SORBS3: variants seen among roughly 807,000 people sequenced by gnomAD.
SORBS3 encodes sorbin and SH3 domain containing 3, also known as vinexin.
Under a neutral mutation model 98.0 loss-of-function variants are expected in SORBS3, and 69 were observed. The ratio of observed to expected loss-of-function variants is 0.70; its 90% confidence interval spans 0.58 to 0.86. The LOEUF is 0.86. Among genes scored for constraint, SORBS3 ranks in the 40% least tolerant of loss-of-function variants. The pLI, the probability that SORBS3 is intolerant of heterozygous loss-of-function variation, is 0.00. For missense variants in SORBS3, 954 were observed against 908.5 expected, an observed-to-expected ratio of 1.05 and a Z score of -0.64; for synonymous variants, 394 against 355.4, an observed-to-expected ratio of 1.11 and a Z score of -1.22.
At position 22,570,169 on chromosome 8, in the gene SORBS3, G is replaced by A. The variant is rs113788595; in HGVS notation, c.1432-741G>A. Among the ~76,000 whole-genome samples, 1,501 of 152,278 alleles carry A rather than the reference G, an allele frequency of 9.9e-3. 23 individuals are homozygous for A. The highest frequency in any genetic ancestry group is 0.035 in the African/African-American group (1,442 of 41,526). ...CATGCTCCCAAAATAAGCGAAAGAC[G>A]GCCCATAGTGAATGCCTCCCAGAAG... is the stretch of plus-strand genomic sequence containing the variant. On this transcript the variant is annotated intron_variant, in intron 17 of 20. Coordinates refer to ENST00000240123, the MANE Select transcript of SORBS3 (RefSeq NM_005775.5).
At chr8:22,566,746 G>A (rs2117271714) in intron 14 of SORBS3, 33 bp downstream of exon 14, 3 of 1,612,568 alleles carry the variant, frequency 1.9e-6, no homozygotes, top group East Asian at 4.5e-5. Flanking sequence ...GGGACCTGGA[G>A]TGGTCCCAAG....
intron 1 of SORBS3, among the ~76,000 whole-genome samples, chr8:22,545,733 C>G (rs1364107049): frequency 6.6e-6 from 1 of 152,236 alleles, no homozygotes; most frequent in Non-Finnish European, 1.5e-5. Context: ...CCAGTAAGTT[C>G]TTGCCCACAT....
At chr8:22,550,409 C>T (rs1840062890), upstream of SORBS3, among the ~76,000 whole-genome samples, 1 of 152,182 alleles carries the variant, frequency 6.6e-6, no homozygotes, top group Non-Finnish European at 1.5e-5. Context: ...CCTGGGAAGC[C>T]TTGGACCTGC....
At chr8:22,564,175 A>G in intron 8 of SORBS3, 98 bp downstream of exon 8, 4 of 1,489,286 alleles carry the variant, frequency 2.7e-6, no homozygotes, top group Non-Finnish European at 3.7e-6. Flanking sequence ...CCCTTGGAGG[A>G]CACCGTGGGC....
chr8:22,548,301 C>T (rs1329670202), upstream of SORBS3, among the ~76,000 whole-genome samples: 3 of 152,176 alleles, frequency 2.0e-5, no homozygotes, highest in African/African-American at 7.2e-5. Flanking sequence ...TGGCTGGCAA[C>T]ATTTGCAGGA....
Position 22,564,488 on chromosome 8 carries a change from C to G in SORBS3, c.783C>G (p.Asp261Glu), listed in dbSNP as rs745685537. 30 of 1,613,970 alleles carry G rather than the reference C, an allele frequency of 1.9e-5. No individual in the cohort carries two copies. The highest frequency in any genetic ancestry group is 3.3e-5 in the Admixed American group (2 of 59,994). Residue 261 changes from aspartate to glutamate, a missense_variant, in exon 10 of 21, where the codon GAC (aspartate) becomes GAG (glutamate). Physicochemically the swap from Asp to Glu is conservative, Grantham distance 45. Transcript: ENST00000240123. ...TGQRPKKPLV[D>E]DPGEKPSQPI... is the part of the protein sequence containing the mutation. ...TTCAGCCCAAGAAACCGCTGGTGGA[C>G]GACCCTGGTGAGAAGCCCTCCCAGC...
At chr8:22,566,546 C>A (rs576542509) in intron 13 of SORBS3, 62 bp downstream of exon 13, 52 of 1,592,022 alleles carry the variant, frequency 3.3e-5, no homozygotes, top group Non-Finnish European at 4.2e-5. Flanking sequence ...ATGTTGGTGC[C>A]CCAGGGGTGG....
chr8:22,566,395 C>T lies in SORBS3; in HGVS notation c.1001C>T (p.Ser334Phe), dbSNP rs200965714. Residue 334 changes from serine (S) to phenylalanine (F), a missense_variant, in exon 13 of 21, where the codon TCC becomes TTC. Coordinates refer to ENST00000240123, the MANE Select transcript of SORBS3 (RefSeq NM_005775.5). ...SSYPHAPYLGSARSLSPHKMA... is the reference protein window; with the variant it reads ...SSYPHAPYLGFARSLSPHKMA... ...TACCCACATGCACCTTACCTGGGTT[C>T]CGCCCGGTCCCTGAGTCCCCACAAA... is the stretch of plus-strand genomic sequence containing the variant. 83 of 1,614,092 alleles carry T rather than the reference C, an allele frequency of 5.1e-5. No individual in the cohort carries two copies. The Middle Eastern group carries it at 6.6e-4, about 13-fold the overall frequency.
chr8:22,572,210 G>T, intron 19 of SORBS3, 130 bp from the exon 20 acceptor site: 1 of 750,370 alleles, frequency 1.3e-6, no homozygotes, highest in Middle Eastern at 2.3e-4. Context: ...CACAGGCTGA[G>T]TTGCTCTGAG....
At position 22,554,531 on chromosome 8, in the gene SORBS3, C is replaced by T. The variant is rs141486783; in HGVS notation, c.25C>T (p.Arg9Cys). The part of the protein sequence containing the change: MQGPPRSL[R>C]AGLSLDDFIP... ...CATGCAGGGCCCACCCCGCAGCCTC[C>T]GCGCTGGGCTCAGCCTGGACGACTT... is the stretch of plus-strand genomic sequence containing the variant. The change falls in exon 2 of 21, where the codon CGC becomes TGC. Residue 9 changes from arginine to cysteine, a missense_variant. Coordinates refer to ENST00000240123, the MANE Select transcript of SORBS3 (RefSeq NM_005775.5). This position sits in a 1 kb window ranked among gnomAD's most constrained non-coding sequence, Gnocchi z 6.5. 227 of 1,612,620 alleles carry T rather than the reference C, an allele frequency of 1.4e-4. No individual in the cohort carries two copies. The African/African-American group carries it at 1.5e-3, about 11-fold the overall frequency.
At chr8:22,569,062 C>T (rs12680280) in intron 16 of SORBS3, 86 bp from the exon 17 acceptor site, 1 of 1,393,830 alleles carries the variant, frequency 7.2e-7, no homozygotes, top group Admixed American at 2.6e-5. Context: ...GCGGGCCCAC[C>T]TTCTCTTTGC....
chr8:22,566,157 G>A, intron 12 of SORBS3, 188 bp from the exon 13 acceptor site: 2 of 798,866 alleles, frequency 2.5e-6, no homozygotes, highest in Non-Finnish European at 3.6e-6. Context: ...GCTGGGCCCT[G>A]CCGGGCCTCA....
intron 14 of SORBS3, 47 bp downstream of exon 14, chr8:22,566,760 G>C: frequency 6.2e-7 from 1 of 1,613,418 alleles, no homozygotes; most frequent in Non-Finnish European, 8.5e-7. Flanking sequence ...TCCCAAGGCT[G>C]CCATCCTGGA....
In SORBS3 at chr8:22,574,958, C is replaced by A. The variant is rs1276302607; in HGVS notation, c.*230C>A. On this transcript the variant is annotated 3_prime_UTR_variant, in exon 21 of 21. Coordinates refer to ENST00000240123, the MANE Select transcript of SORBS3 (RefSeq NM_005775.5). ...CAGCCCTTTCATTTCCTCCCCACCCCACTCCCCAAATACAGAGGTCTGCTT... is the reference window on the plus strand; with the variant it reads ...CAGCCCTTTCATTTCCTCCCCACCCAACTCCCCAAATACAGAGGTCTGCTT... 1.5e-6 allele frequency: 1 copy of A among 679,096 alleles called. No homozygotes were observed. The highest frequency in any genetic ancestry group is 2.0e-5 in the Admixed American group (1 of 49,200). The allele number at this position is 679,096 out of a possible 1,614,324, so 42.1% of individuals were successfully genotyped here.
chr8:22,558,040 G>A, intron 4 of SORBS3, 89 bp from the exon 5 acceptor site: 1 of 1,271,314 alleles, frequency 7.9e-7, no homozygotes, highest in Non-Finnish European at 1.2e-6. Context: ...GATGGCCAGA[G>A]AAGGGACTCA....
intron 3 of SORBS3, among the ~76,000 whole-genome samples, chr8:22,555,583 C>T (rs1162804476): frequency 6.6e-6 from 1 of 152,014 alleles, no homozygotes; most frequent in African/African-American, 2.4e-5. Flanking sequence ...ACAGCAAGAC[C>T]CTGTCACTTA....
intron 4 of SORBS3, 66 bp downstream of exon 4, chr8:22,556,974 T>C: frequency 6.4e-7 from 1 of 1,552,604 alleles, no homozygotes; most frequent in Non-Finnish European, 8.8e-7. Flanking sequence ...TGCACTTCTG[T>C]GCATTAAAAT....
intron 20 of SORBS3, 54 bp from the exon 21 acceptor site, chr8:22,574,613 C>A: frequency 1.9e-6 from 3 of 1,571,668 alleles, no homozygotes; most frequent in Non-Finnish European, 1.7e-6. Flanking sequence ...CTCACCCCTG[C>A]ATCCCTGTTA....
Position 22,574,835 on chromosome 8 carries a change from T to G in SORBS3, c.*107T>G. ...CATCCTCCTTCCCCAGGACCTGAGCTCCCAGCATCTGCAGACGACCCCCGC... is the reference window on the plus strand; with the variant it reads ...CATCCTCCTTCCCCAGGACCTGAGCGCCCAGCATCTGCAGACGACCCCCGC... On this transcript the variant is annotated 3_prime_UTR_variant, in exon 21 of 21. Coordinates refer to ENST00000240123, the MANE Select transcript of SORBS3 (RefSeq NM_005775.5). 1 of 1,107,384 alleles carries G rather than the reference T, an allele frequency of 9.0e-7. No individual in the cohort carries two copies. The highest frequency in any genetic ancestry group is 1.4e-6 in the Non-Finnish European group (1 of 724,634). The allele number at this position is 1,107,384 out of a possible 1,614,324, so 68.6% of individuals were successfully genotyped here.
Sources: allele counts gnomAD v4.1 joint callset (sites outside exome capture counted in the v4.1 genomes callset), GRCh38; gene constraint gnomAD v4.1.1; non-coding constraint Gnocchi (gnomAD v3.1); transcripts MANE v1.5; gene names NCBI Gene and HGNC (gene_info 2026-07-23, HGNC 2026-07-21).